UNC13C: variants seen among roughly 807,000 people sequenced by gnomAD.
UNC13C encodes the protein unc-13 homolog C, also known as protein unc-13 homolog C.
In UNC13C, 174 loss-of-function variants were observed where a neutral mutation model predicts 245.4. That is an observed-to-expected ratio of 0.71 (90% CI 0.63 to 0.80). The LOEUF is 0.80. UNC13C is among the 30% of genes least tolerant of loss of function. The pLI is 0.00. For missense variants in UNC13C, 2,829 were observed against 2,602.9 expected (o/e 1.09, Z -1.89); for synonymous variants, 992 against 895.1 (o/e 1.11, Z -1.93).
chr15:54,442,937 A>T (rs7178432), intron 19 of UNC13C, among the ~76,000 whole-genome samples: 13,585 of 152,102 alleles, frequency 0.089, 768 homozygotes, highest in African/African-American at 0.16. Flanking sequence ...CATAGAATTC[A>T]CTGGAAATAA....
the UNC13C span, among the ~76,000 whole-genome samples, chr15:53,863,916 G>A: frequency 0.13 from 19,972 of 152,078 alleles, 1,487 homozygotes; most frequent in Admixed American, 0.21. Flanking sequence ...TGGAGTCCAC[G>A]ATGTAGCCCC....
chr15:54,101,322 T>C (rs1225032422), intron 2 of UNC13C, among the ~76,000 whole-genome samples: 1 of 152,206 alleles, frequency 6.6e-6, no homozygotes, highest in Non-Finnish European at 1.5e-5. Context: ...CTGCTATTTC[T>C]CTGCCTCTGT....
chr15:53,910,406 C>A, the UNC13C span, among the ~76,000 whole-genome samples: 22 of 146,218 alleles, frequency 1.5e-4, 5 homozygotes, highest in Admixed American at 2.8e-4. Context: ...TATTATGTAA[C>A]CTGTTTTTGT....
chr15:54,396,619 G>A (rs1194023649), intron 18 of UNC13C, among the ~76,000 whole-genome samples: 3 of 151,454 alleles, frequency 2.0e-5, no homozygotes, highest in Admixed American at 6.6e-5. Context: ...ATTGAGTTAC[G>A]TGGTAAGTAT....
intron 1 of UNC13C, among the ~76,000 whole-genome samples, chr15:54,009,115 A>C (rs908858614): frequency 2.0e-5 from 3 of 152,148 alleles, no homozygotes; most frequent in Non-Finnish European, 4.4e-5. Flanking sequence ...GGATTGTATC[A>C]CACACACATA....
intron 10 of UNC13C, among the ~76,000 whole-genome samples, chr15:54,280,112 C>T (rs1567156120): frequency 2.0e-5 from 3 of 152,024 alleles, no homozygotes; most frequent in Admixed American, 2.0e-4. Flanking sequence ...ATTTGACTAA[C>T]ATATTTTCAC....
intron 1 of UNC13C, among the ~76,000 whole-genome samples, chr15:53,997,829 A>AG (rs1894704589): frequency 6.6e-6 from 1 of 151,916 alleles, no homozygotes; most frequent in Non-Finnish European, 1.5e-5. Flanking sequence ...TTTTGAGACC[A>AG]TCTCACTCTG....
chr15:53,979,140 AAG>A, intron 1 of UNC13C, among the ~76,000 whole-genome samples: 1 of 152,060 alleles, frequency 6.6e-6, no homozygotes, highest in Non-Finnish European at 1.5e-5. Flanking sequence ...CTTTTAAAAA[AAG>A]AATTCAGAAT....
intron 2 of UNC13C, among the ~76,000 whole-genome samples, chr15:54,099,343 CT>C (rs1436225045): frequency 6.6e-6 from 1 of 152,132 alleles, no homozygotes; most frequent in Non-Finnish European, 1.5e-5. Context: ...CTCCAAGACT[CT>C]GCTGCAAATC....
the UNC13C span, among the ~76,000 whole-genome samples, chr15:53,902,366 C>T: frequency 6.6e-6 from 1 of 152,062 alleles, no homozygotes; most frequent in Non-Finnish European, 1.5e-5. Flanking sequence ...GCAGTTGAGG[C>T]CAAGATCTGG....
chr15:53,858,198 A>G, the UNC13C span, among the ~76,000 whole-genome samples: 5 of 152,290 alleles, frequency 3.3e-5, no homozygotes, highest in South Asian at 2.1e-4. Flanking sequence ...CATTCCATCA[A>G]TTGGAACTCT....
At chr15:54,073,431 G>A (rs1898429847) in intron 2 of UNC13C, among the ~76,000 whole-genome samples, 1 of 152,068 alleles carries the variant, frequency 6.6e-6, no homozygotes, top group African/African-American at 2.4e-5. Context: ...GGTATTTCTG[G>A]TTCTAGATCC....
chr15:54,099,351 A>G (rs1348498102), intron 2 of UNC13C, among the ~76,000 whole-genome samples: 1 of 152,152 alleles, frequency 6.6e-6, no homozygotes, highest in Admixed American at 6.5e-5. Context: ...CTCTGCTGCA[A>G]ATCGTATTAC....
chr15:54,220,286 G>A (rs1286648755), intron 4 of UNC13C, among the ~76,000 whole-genome samples: 9 of 150,304 alleles, frequency 6.0e-5, no homozygotes, highest in African/African-American at 2.0e-4. Context: ...ATGAGTTCAT[G>A]TCCTTTGTAG....
At chr15:54,356,443 T>G (rs1171514478) in intron 17 of UNC13C, among the ~76,000 whole-genome samples, 1 of 152,130 alleles carries the variant, frequency 6.6e-6, no homozygotes, top group Non-Finnish European at 1.5e-5. Context: ...AAAAATACCT[T>G]AGACTGGGTA....
intron 22 of UNC13C, among the ~76,000 whole-genome samples, chr15:54,504,156 G>T (rs376866615): frequency 6.6e-6 from 1 of 152,070 alleles, no homozygotes; most frequent in Admixed American, 6.6e-5. Flanking sequence ...TTTAAAAATA[G>T]ATATGAAGTA....
At chr15:54,551,977 G>C (rs564273736) in intron 28 of UNC13C, among the ~76,000 whole-genome samples, 2 of 150,988 alleles carry the variant, frequency 1.3e-5, no homozygotes, top group Non-Finnish European at 3.0e-5. Context: ...ATATTAATTT[G>C]AAAGCAGATA....
chr15:54,191,125 C>T lies in UNC13C; in HGVS notation c.3072-43905C>T, dbSNP rs143920393. On this transcript the variant is annotated intron_variant, in intron 4 of 32. Transcript: ENST00000260323. ...TGCAGGTTTGTTACATAGGTATACA[C>T]GTGCCATGGTGGTTTGCTGCACCCA... Among the ~76,000 whole-genome samples, 931 of 152,078 alleles carry T rather than the reference C, an allele frequency of 6.1e-3. 56 individuals carry two copies. The East Asian group carries it at 0.11, about 18-fold the overall frequency.
At chr15:54,279,295 A>G (rs1596134406) in intron 10 of UNC13C, among the ~76,000 whole-genome samples, 1 of 152,312 alleles carries the variant, frequency 6.6e-6, no homozygotes, top group Admixed American at 6.5e-5. Context: ...TCCGTTTGAG[A>G]TAATTGGTTG....
Sources: gnomAD v4.1 joint callset for allele counts (sites outside exome capture counted in the v4.1 genomes callset) on GRCh38, gnomAD v4.1.1 for gene constraint, MANE v1.5 for transcripts, NCBI Gene and HGNC (gene_info 2026-07-23, HGNC 2026-07-21) for gene names.